PRKCE: variants seen among roughly 807,000 people sequenced by gnomAD.
The protein encoded by PRKCE is protein kinase C epsilon type.
PRKCE carries 16 observed loss-of-function variants against 85.4 expected under a neutral mutation model. The ratio of observed to expected loss-of-function variants is 0.19; its 90% confidence interval spans 0.13 to 0.28. The LOEUF (loss-of-function observed/expected upper bound fraction) is 0.28, where lower values mean the gene tolerates loss of function less well. PRKCE is among the 10% of genes least tolerant of loss of function. The probability of loss-of-function intolerance (pLI) is 1.00; values close to 1 mark genes in which losing one functional copy is unlikely to be tolerated. For missense variants in PRKCE, 573 were observed against 975.2 expected, an observed-to-expected ratio of 0.59 and a Z score of 5.49; for synonymous variants, 388 against 371.5, an observed-to-expected ratio of 1.04 and a Z score of -0.51.
chr2:46,160,806 G>A (rs1410283871), intron 14 of PRKCE, among the ~76,000 whole-genome samples: 2 of 152,162 alleles, frequency 1.3e-5, no homozygotes, highest in Non-Finnish European at 2.9e-5. Context: ...AGATTTTCTG[G>A]GGAGCCGTTA....
intron 5 of PRKCE, among the ~76,000 whole-genome samples, chr2:45,981,469 C>G (rs1371405776): frequency 1.3e-5 from 2 of 152,216 alleles, no homozygotes; most frequent in African/African-American, 2.4e-5. Flanking sequence ...CCCATCTTCT[C>G]TCTCCTTCTG....
intron 1 of PRKCE, among the ~76,000 whole-genome samples, chr2:45,665,148 C>T (rs1055340862): frequency 6.6e-6 from 1 of 152,194 alleles, no homozygotes; most frequent in African/African-American, 2.4e-5. Flanking sequence ...TCTTTAAGCT[C>T]GGATTTCATT....
At position 46,159,353 on chromosome 2, in the gene PRKCE, C is replaced by A. The variant is rs1451332838; in HGVS notation, c.1921-253C>A. Among the ~76,000 whole-genome samples, 2 of 152,142 alleles carry A rather than the reference C, an allele frequency of 1.3e-5. No homozygotes were observed. Among genetic ancestry groups the A allele is most frequent in the South Asian group, 4.1e-4 (2 of 4,828 alleles). ...TAGTGCCTCGTTTATAATATAGAGA[C>A]AATGATAGTACCTCGTAGGGCATTA... On this transcript the variant is annotated intron_variant, in intron 13 of 14. Coordinates refer to ENST00000306156, the MANE Select transcript of PRKCE (RefSeq NM_005400.3). This position sits in a 1 kb window ranked among gnomAD's most constrained non-coding sequence, Gnocchi z 4.1.
At chr2:46,141,131 T>C (rs1254833823) in intron 11 of PRKCE, among the ~76,000 whole-genome samples, 1 of 150,948 alleles carries the variant, frequency 6.6e-6, no homozygotes, top group Non-Finnish European at 1.5e-5. Context: ...CAGAAATTTC[T>C]TTTCTAGGAA....
chr2:46,057,380 A>G (rs1205401519), intron 10 of PRKCE, among the ~76,000 whole-genome samples: 1 of 151,976 alleles, frequency 6.6e-6, no homozygotes, highest in Non-Finnish European at 1.5e-5. Context: ...GTTGAAAGTT[A>G]TTGGTATAAA....
chr2:46,056,119 G>A (rs542641184), intron 10 of PRKCE, among the ~76,000 whole-genome samples: 6 of 152,262 alleles, frequency 3.9e-5, no homozygotes, highest in Admixed American at 1.3e-4. Context: ...AAGCTGTTTC[G>A]AGGACTGAAT....
At chr2:45,960,483 G>A (rs1377287475) in intron 2 of PRKCE, among the ~76,000 whole-genome samples, 2 of 152,152 alleles carry the variant, frequency 1.3e-5, no homozygotes, top group Non-Finnish European at 2.9e-5. Context: ...AAGGGGAAGG[G>A]CATTAGATTC....
At chr2:45,665,868 G>T (rs1359427301) in intron 1 of PRKCE, among the ~76,000 whole-genome samples, 1 of 152,138 alleles carries the variant, frequency 6.6e-6, no homozygotes, top group Non-Finnish European at 1.5e-5. Context: ...ACATGCCCAG[G>T]AATGGATCTG....
At chr2:45,746,270 C>T (rs1397991000) in intron 1 of PRKCE, among the ~76,000 whole-genome samples, 2 of 152,184 alleles carry the variant, frequency 1.3e-5, no homozygotes, top group African/African-American at 4.8e-5. Flanking sequence ...CTCCTCTAAA[C>T]CTCAGAGGTA....
chr2:45,710,583 G>T (rs1679538695), intron 1 of PRKCE, among the ~76,000 whole-genome samples: 1 of 152,144 alleles, frequency 6.6e-6, no homozygotes, highest in African/African-American at 2.4e-5. Flanking sequence ...TGATTCCATT[G>T]CCAGGCCCCA....
At chr2:46,171,975 C>T (rs900857411) in intron 14 of PRKCE, among the ~76,000 whole-genome samples, 8 of 152,214 alleles carry the variant, frequency 5.3e-5, no homozygotes, top group Admixed American at 2.0e-4. Context: ...GGGGATCATT[C>T]CCCCAGGAAG....
At chr2:45,787,977 T>C (rs1359141241) in intron 1 of PRKCE, among the ~76,000 whole-genome samples, 1 of 152,202 alleles carries the variant, frequency 6.6e-6, no homozygotes, top group Non-Finnish European at 1.5e-5. Context: ...AGGTTTTCAA[T>C]GAAAGCTTGG....
chr2:46,119,813 C>T (rs1261395538), intron 11 of PRKCE, among the ~76,000 whole-genome samples: 1 of 152,204 alleles, frequency 6.6e-6, no homozygotes, highest in East Asian at 1.9e-4. Context: ...AGTATCACTA[C>T]TTATATCTTA....
At chr2:45,695,092 GA>G (rs1373933350) in intron 1 of PRKCE, among the ~76,000 whole-genome samples, 1 of 152,168 alleles carries the variant, frequency 6.6e-6, no homozygotes, top group Non-Finnish European at 1.5e-5. Context: ...CCTGAGTCAG[GA>G]AACTTTCTCC....
chr2:45,990,986 T>C (rs1703746756), intron 6 of PRKCE, among the ~76,000 whole-genome samples: 1 of 150,086 alleles, frequency 6.7e-6, no homozygotes, highest in Non-Finnish European at 1.5e-5. Context: ...AATGTTAGTT[T>C]CTTTCTTTCT....
intron 2 of PRKCE, among the ~76,000 whole-genome samples, chr2:45,858,125 C>CA (rs1235611988): frequency 6.6e-6 from 1 of 152,230 alleles, no homozygotes; most frequent in Non-Finnish European, 1.5e-5. Flanking sequence ...GCTTAGAAGA[C>CA]AGACTTCACC....
rs759820639 is a variant in PRKCE at position 46,086,190 on chromosome 2, T to G, written c.1438-18T>G. 1.3e-6 allele frequency: 2 copies of G among 1,598,964 alleles called. No homozygotes were observed. The highest frequency in any genetic ancestry group is 1.7e-6 in the Non-Finnish European group (2 of 1,179,490). On this transcript the variant is annotated intron_variant, in intron 10 of 14. Coordinates refer to ENST00000306156, the MANE Select transcript of PRKCE (RefSeq NM_005400.3). ...TGCAATCAAATGACCCAAATGGCATTTTCTTCTCTCCTTTCAGGACCGCCT... is the reference window on the plus strand; with the variant it reads ...TGCAATCAAATGACCCAAATGGCATGTTCTTCTCTCCTTTCAGGACCGCCT...
intron 1 of PRKCE, among the ~76,000 whole-genome samples, chr2:45,819,667 G>A (rs1238167103): frequency 6.6e-6 from 1 of 152,178 alleles, no homozygotes; most frequent in Non-Finnish European, 1.5e-5. Context: ...AAAGGACTGA[G>A]GCCAGCCTGG....
chr2:45,963,972 C>T lies in PRKCE; in HGVS notation c.413-12457C>T, dbSNP rs905039022. On this transcript the variant is annotated intron_variant, in intron 2 of 14. Coordinates refer to ENST00000306156, the MANE Select transcript of PRKCE (RefSeq NM_005400.3). ...GGTGAGGTAGCTGGGAGCCTTGTGA[C>T]GTCGAAGGGTGTGATCTTGAGTTCA... 4.6e-5 allele frequency among the ~76,000 whole-genome samples: 7 copies of T among 152,138 alleles called. No homozygotes were observed. The South Asian group carries it at 8.3e-4, about 18-fold the overall frequency.
Sources: gnomAD v4.1 joint callset for allele counts (sites outside exome capture counted in the v4.1 genomes callset) on GRCh38, gnomAD v4.1.1 for gene constraint, Gnocchi (gnomAD v3.1) non-coding constraint, MANE v1.5 for transcripts, NCBI Gene and HGNC (gene_info 2026-07-23, HGNC 2026-07-21) for gene names.